CTNND2: variants seen among roughly 807,000 people sequenced by gnomAD.
CTNND2 encodes the protein catenin delta 2, also known as catenin delta-2.
Under a neutral mutation model 144.4 loss-of-function variants are expected in CTNND2, and 22 were observed. That is an observed-to-expected ratio of 0.15 (90% CI 0.11 to 0.22). CTNND2 has a LOEUF of 0.22. Ranked by LOEUF, CTNND2 falls within the 10% of genes least tolerant of loss-of-function variation. The pLI is 1.00. For synonymous variants in CTNND2, 751 were observed against 695.6 expected (o/e 1.08, Z -1.25); for missense variants, 1,353 against 1,618.8 (o/e 0.84, Z 2.82).
chr5:11,277,088 T>C (rs1387253573), intron 9 of CTNND2, among the ~76,000 whole-genome samples: 1 of 152,228 alleles, frequency 6.6e-6, no homozygotes, highest in Non-Finnish European at 1.5e-5. Flanking sequence ...GAAACGCATC[T>C]AATGAAAATT....
intron 2 of CTNND2, among the ~76,000 whole-genome samples, chr5:11,654,839 C>T (rs1172114232): frequency 6.7e-6 from 1 of 149,910 alleles, no homozygotes; most frequent in Non-Finnish European, 1.5e-5. Flanking sequence ...AGAGGAAAAG[C>T]TTTTAGCTTA....
chr5:11,069,269 G>A (rs1747968777), intron 16 of CTNND2, among the ~76,000 whole-genome samples: 1 of 152,130 alleles, frequency 6.6e-6, no homozygotes, highest in Non-Finnish European at 1.5e-5. Flanking sequence ...GCCAAACTCG[G>A]GGGGTATACA....
intron 9 of CTNND2, among the ~76,000 whole-genome samples, chr5:11,296,819 A>G (rs1749073329): frequency 6.6e-6 from 1 of 151,312 alleles, no homozygotes; most frequent in Admixed American, 6.6e-5. Context: ...AACATCACAC[A>G]TGGGGGCCTG....
intron 1 of CTNND2, among the ~76,000 whole-genome samples, chr5:11,803,149 G>A (rs925690876): frequency 7.9e-5 from 12 of 151,880 alleles, no homozygotes; most frequent in South Asian, 4.2e-4. Flanking sequence ...GTGAAACCCC[G>A]TCTCTACTAA....
At chr5:11,006,072 C>T (rs1223453065) in intron 18 of CTNND2, among the ~76,000 whole-genome samples, 1 of 152,062 alleles carries the variant, frequency 6.6e-6, no homozygotes. Context: ...ACAAAAAAAC[C>T]ATGGGAGCAG....
At chr5:11,580,166 G>A (rs1025274936) in intron 2 of CTNND2, among the ~76,000 whole-genome samples, 10 of 151,688 alleles carry the variant, frequency 6.6e-5, no homozygotes, top group Non-Finnish European at 1.2e-4. Flanking sequence ...TTTTCCCACA[G>A]TGGACTGACT....
At chr5:11,080,106 G>A (rs1440943737) in intron 16 of CTNND2, among the ~76,000 whole-genome samples, 1 of 151,916 alleles carries the variant, frequency 6.6e-6, no homozygotes, top group Non-Finnish European at 1.5e-5. Context: ...AATATATAAA[G>A]AATTCAAACA....
chr5:11,903,741 C>A lies in CTNND2; in HGVS notation c.37+76G>T, dbSNP rs371631900. 2.1e-6 allele frequency: 3 copies of A among 1,414,036 alleles called. No homozygotes were observed. Among genetic ancestry groups the A allele is most frequent in the African/African-American group, 1.5e-5 (1 of 66,746 alleles). The allele number at this position is 1,414,036 out of a possible 1,614,324, so 87.6% of individuals were successfully genotyped here. ...CCGGCCGGGAGCCCAGGACCACCCC[C>A]ACCAGCGGCAAGAGGAGGAGGACGG... is the stretch of plus-strand genomic sequence containing the variant. On this transcript the variant is annotated intron_variant, in intron 1 of 21. Transcript: ENST00000304623. This position sits in a 1 kb window ranked among gnomAD's most constrained non-coding sequence, Gnocchi z 5.4.
intron 1 of CTNND2, among the ~76,000 whole-genome samples, chr5:11,792,980 T>C (rs1311780488): frequency 6.6e-6 from 1 of 152,244 alleles, no homozygotes; most frequent in Non-Finnish European, 1.5e-5. Context: ...CATATCATGA[T>C]TTCCCAGCGA....
intron 18 of CTNND2, among the ~76,000 whole-genome samples, chr5:11,015,930 C>T (rs1260561060): frequency 6.6e-6 from 1 of 152,160 alleles, no homozygotes; most frequent in African/African-American, 2.4e-5. Context: ...GAATTTCAAA[C>T]AAAATAGAAT....
At chr5:11,174,246 C>T (rs1315447669) in intron 11 of CTNND2, among the ~76,000 whole-genome samples, 1 of 151,998 alleles carries the variant, frequency 6.6e-6, no homozygotes, top group Middle Eastern at 3.2e-3. Flanking sequence ...GAGTGCTGCA[C>T]AAAGGTAGAA....
At position 11,829,731 on chromosome 5, in the gene CTNND2, C is replaced by T. The variant is rs571307917; in HGVS notation, c.37+74086G>A. ...GAAATGTGGGGTCAGAGGCCCCATA[C>T]AGAGTCCCTACTGAGGCACTGCCTC... On this transcript the variant is annotated intron_variant, in intron 1 of 21. Transcript: ENST00000304623. Among the ~76,000 whole-genome samples the T allele has an allele frequency of 2.1e-3, 322 of 152,336 alleles. 4 individuals are homozygous for T. The highest frequency in any genetic ancestry group is 3.4e-3 in the Middle Eastern group (1 of 294).
intron 18 of CTNND2, among the ~76,000 whole-genome samples, chr5:11,011,159 G>A (rs1175716797): frequency 2.6e-5 from 4 of 152,170 alleles, no homozygotes; most frequent in East Asian, 1.9e-4. Flanking sequence ...TGGGTCTGAC[G>A]TCTGATCTAC....
At chr5:11,452,368 A>C (rs1000366864) in intron 3 of CTNND2, among the ~76,000 whole-genome samples, 9 of 152,228 alleles carry the variant, frequency 5.9e-5, no homozygotes, top group African/African-American at 2.2e-4. Context: ...ATATACCCCA[A>C]AGTAAGAATA....
rs555133988 is a variant in CTNND2, at chr5:11,088,653, T to A, written c.2638-5807A>T. On this transcript the variant is annotated intron_variant, in intron 15 of 21. Transcript: ENST00000304623. ...TGGGGAGGGAGAAATCTGAAATGTA[T>A]CTTTAGGGCACAGTTTGGAGGGGCC... Among the ~76,000 whole-genome samples, 9 of 152,322 alleles carry A rather than the reference T, an allele frequency of 5.9e-5. No homozygotes were observed. In the South Asian group the frequency reaches 1.9e-3, roughly 32 times the overall value.
intron 16 of CTNND2, among the ~76,000 whole-genome samples, chr5:11,063,855 G>T (rs184023528): frequency 5.3e-5 from 8 of 152,120 alleles, no homozygotes; most frequent in Non-Finnish European, 1.2e-4. Context: ...GAGTTAACAA[G>T]GAAAAATAAA....
chr5:11,097,298 C>G (rs1435409120), intron 15 of CTNND2, among the ~76,000 whole-genome samples: 1 of 152,180 alleles, frequency 6.6e-6, no homozygotes, highest in Non-Finnish European at 1.5e-5. Flanking sequence ...TAAGACTATG[C>G]TTGGGATGTC....
At chr5:11,859,982 A>C (rs535296472) in intron 1 of CTNND2, among the ~76,000 whole-genome samples, 6 of 152,210 alleles carry the variant, frequency 3.9e-5, no homozygotes, top group Non-Finnish European at 8.8e-5. Flanking sequence ...GGAACTGGCA[A>C]AATAAGGGAG....
chr5:11,149,334 CA>C, intron 12 of CTNND2, among the ~76,000 whole-genome samples: 1 of 152,176 alleles, frequency 6.6e-6, no homozygotes, highest in African/African-American at 2.4e-5. Flanking sequence ...ATTGTTGTTC[CA>C]AAATAAGGGC....
Sources: allele counts gnomAD v4.1 joint callset (sites outside exome capture counted in the v4.1 genomes callset), GRCh38; gene constraint gnomAD v4.1.1; non-coding constraint Gnocchi (gnomAD v3.1); transcripts MANE v1.5; gene names NCBI Gene and HGNC (gene_info 2026-07-23, HGNC 2026-07-21).